Variants in COMMD1 observed in about 807,000 individuals in gnomAD.
COMMD1 encodes the protein copper metabolism domain containing 1.
COMMD1 carries 10 observed loss-of-function variants against 17.2 expected under a neutral mutation model. That is an observed-to-expected ratio of 0.58 (90% CI 0.36 to 0.99). The LOEUF is 0.99. Among genes scored for constraint, COMMD1 ranks in the 50% least tolerant of loss-of-function variants. COMMD1 has a pLI of 0.01. For missense variants in COMMD1, 270 were observed against 231.8 expected, an observed-to-expected ratio of 1.17 and a Z score of -1.07; for synonymous variants, 97 against 91.6, an observed-to-expected ratio of 1.06 and a Z score of -0.34.
At position 62,008,996 on chromosome 2, in the gene COMMD1, C is replaced by G. The variant is rs1273082063; in HGVS notation, c.462+8014C>G. Among the ~76,000 whole-genome samples, 3 of 152,084 alleles carry G rather than the reference C, an allele frequency of 2.0e-5. No homozygotes were observed. In the South Asian group the frequency reaches 6.2e-4, roughly 32 times the overall value. On this transcript the variant is annotated intron_variant, in intron 2 of 2. Coordinates refer to ENST00000311832, the MANE Select transcript of COMMD1 (RefSeq NM_152516.4). ...ACAGCATTTTACCATGTTGGCCAGG[C>G]TGGTCTTGAACTCCTGACCTCAAGT... is the stretch of plus-strand genomic sequence containing the variant.
intron 1 of COMMD1, among the ~76,000 whole-genome samples, chr2:61,953,917 C>T (rs979104165): frequency 6.6e-6 from 1 of 151,946 alleles, no homozygotes; most frequent in African/African-American, 2.4e-5. Flanking sequence ...TAATCAAAAT[C>T]CACTTTAAAG....
Position 62,135,895 on chromosome 2 carries a change from C to T in COMMD1, c.527C>T (p.Ser176Leu). Residue 176 changes from serine to leucine, a missense_variant, in exon 3 of 3, where the codon TCA (serine) becomes TTA (leucine). Transcript: ENST00000311832. ...GTCAACCAAATTCTGAAGACGCTGT[C>T]AGAGGTAGAAGAAAGTATCAGCACA... is the stretch of plus-strand genomic sequence containing the variant. The part of the protein sequence containing the change: ...VKVNQILKTL[S>L]EVEESISTLI... 1 of 1,605,224 alleles carries T rather than the reference C, an allele frequency of 6.2e-7. No individual in the cohort carries two copies. The highest frequency in any genetic ancestry group is 8.5e-7 in the Non-Finnish European group (1 of 1,171,966).
At chr2:61,988,113 G>A (rs374556831) in intron 1 of COMMD1, among the ~76,000 whole-genome samples, 1 of 152,112 alleles carries the variant, frequency 6.6e-6, no homozygotes, top group Non-Finnish European at 1.5e-5. Flanking sequence ...AAGAGCCAAG[G>A]CCTGAAATTG....
At chr2:61,944,505 A>G (rs558859480) in intron 1 of COMMD1, among the ~76,000 whole-genome samples, 2 of 152,258 alleles carry the variant, frequency 1.3e-5, no homozygotes, top group African/African-American at 2.4e-5. Flanking sequence ...CCGAACTAGA[A>G]TTAGGATCCT....
chr2:62,034,109 AAAG>A (rs1490074450), intron 2 of COMMD1, among the ~76,000 whole-genome samples: 35 of 151,718 alleles, frequency 2.3e-4, no homozygotes, highest in African/African-American at 8.2e-4. Context: ...AAAAAAAAAA[AAAG>A]AAATGTATTA....
intron 1 of COMMD1, among the ~76,000 whole-genome samples, chr2:61,984,548 T>A (rs1393806511): frequency 6.6e-6 from 1 of 152,226 alleles, no homozygotes; most frequent in African/African-American, 2.4e-5. Context: ...ATTTTTTGAA[T>A]ATTTTTTAGA....
chr2:61,904,533 A>G (rs955797552), upstream of COMMD1, among the ~76,000 whole-genome samples: 1 of 152,204 alleles, frequency 6.6e-6, no homozygotes, highest in Non-Finnish European at 1.5e-5. Context: ...CATTTGTAGA[A>G]GTCACAGGTG....
intron 1 of COMMD1, among the ~76,000 whole-genome samples, chr2:61,951,540 A>G (rs2103668325): frequency 6.6e-6 from 1 of 152,096 alleles, no homozygotes; most frequent in African/African-American, 2.4e-5. Flanking sequence ...AACTCTGTGG[A>G]TCTAAGTAGG....
chr2:62,125,586 T>C (rs1193750049), intron 2 of COMMD1, among the ~76,000 whole-genome samples: 1 of 152,120 alleles, frequency 6.6e-6, no homozygotes, highest in East Asian at 1.9e-4. Context: ...TTGGTAGTAA[T>C]AGTTATTGTT....
chr2:62,078,711 TAAAAA>T (rs1558589611), intron 2 of COMMD1, among the ~76,000 whole-genome samples: 1 of 142,882 alleles, frequency 7.0e-6, no homozygotes, highest in South Asian at 2.2e-4. Context: ...TATTAAAAAT[TAAAAA>T]ATAAAATAAA....
chr2:62,115,374 G>A (rs1459592725), intron 2 of COMMD1, among the ~76,000 whole-genome samples: 2 of 152,186 alleles, frequency 1.3e-5, no homozygotes, highest in African/African-American at 4.8e-5. Context: ...AGGAGGGAGA[G>A]GCCTGTTTGG....
chr2:61,960,371 C>A (rs919760102), intron 1 of COMMD1, among the ~76,000 whole-genome samples: 9 of 152,010 alleles, frequency 5.9e-5, no homozygotes, highest in Admixed American at 3.9e-4. Flanking sequence ...GTAGTACTGA[C>A]GAGTTTCTGC....
chr2:61,947,200 A>C (rs1253605377), intron 1 of COMMD1, among the ~76,000 whole-genome samples: 1 of 152,230 alleles, frequency 6.6e-6, no homozygotes, highest in Non-Finnish European at 1.5e-5. Flanking sequence ...TACTAAAAGC[A>C]TATATAATTT....
intron 2 of COMMD1, among the ~76,000 whole-genome samples, chr2:62,071,695 T>G (rs1671204239): frequency 6.6e-6 from 1 of 152,170 alleles, no homozygotes; most frequent in African/African-American, 2.4e-5. Flanking sequence ...AATAAAATCC[T>G]AAGCCTCCCT....
intron 2 of COMMD1, among the ~76,000 whole-genome samples, chr2:62,021,909 G>A (rs140380683): frequency 3.2e-4 from 48 of 152,230 alleles, no homozygotes; most frequent in Admixed American, 1.4e-3. Flanking sequence ...ACAGATACTT[G>A]ATTTGTGTTT....
chr2:62,042,163 A>T (rs10201832), intron 2 of COMMD1, among the ~76,000 whole-genome samples: 12,030 of 152,196 alleles, frequency 0.079, 1,129 homozygotes, highest in African/African-American at 0.23. Context: ...TTAGCTAGAC[A>T]CACAGCGCTG....
chr2:62,020,110 T>A (rs1411228802), intron 2 of COMMD1, among the ~76,000 whole-genome samples: 1 of 152,182 alleles, frequency 6.6e-6, no homozygotes, highest in Non-Finnish European at 1.5e-5. Flanking sequence ...TTTCTTCAGC[T>A]CCTTGAGTAC....
intron 2 of COMMD1, among the ~76,000 whole-genome samples, chr2:62,008,086 G>C (rs1669172370): frequency 6.6e-6 from 1 of 152,132 alleles, no homozygotes; most frequent in Non-Finnish European, 1.5e-5. Context: ...ATAGAGTGAG[G>C]ATCCCTTGTG....
intron 1 of COMMD1, among the ~76,000 whole-genome samples, chr2:61,984,387 C>T (rs1672046610): frequency 6.6e-6 from 1 of 152,186 alleles, no homozygotes; most frequent in South Asian, 2.1e-4. Context: ...TCTTTATTGA[C>T]CATTCAGTAA....
Sources: allele counts gnomAD v4.1 joint callset (sites outside exome capture counted in the v4.1 genomes callset), GRCh38; gene constraint gnomAD v4.1.1; transcripts MANE v1.5; gene names NCBI Gene and HGNC (gene_info 2026-07-23, HGNC 2026-07-21).